The following PTPRG variants were observed in gnomAD, a reference collection of about 807,000 sequenced individuals.
PTPRG encodes protein tyrosine phosphatase receptor type G.
In PTPRG, 102 loss-of-function variants were observed where a neutral mutation model predicts 165.3. The ratio of observed to expected loss-of-function variants is 0.62; its 90% CI spans 0.53 to 0.73. The LOEUF (loss-of-function observed/expected upper bound fraction) is 0.73, where lower values mean the gene tolerates loss of function less well. Among genes scored for constraint, PTPRG ranks in the 30% least tolerant of loss-of-function variants. The probability of loss-of-function intolerance (pLI) is 0.00; values close to 1 mark genes in which losing one functional copy is unlikely to be tolerated. For missense variants in PTPRG, 1,866 were observed against 1,861.4 expected (o/e 1.00, Z -0.05); for synonymous variants, 675 against 669.5 (o/e 1.01, Z -0.13).
At chr3:61,898,888 C>T (rs549336932) in intron 2 of PTPRG, among the ~76,000 whole-genome samples, 2 of 152,264 alleles carry the variant, frequency 1.3e-5, no homozygotes, top group Admixed American at 6.5e-5. Flanking sequence ...GGACAACTTG[C>T]TCAATCCCTT....
intron 1 of PTPRG, among the ~76,000 whole-genome samples, chr3:61,718,862 A>G (rs971533013): frequency 3.3e-5 from 5 of 152,198 alleles, no homozygotes; most frequent in Admixed American, 6.5e-5. Context: ...TTGACTTCCC[A>G]GGAGTCATTG....
chr3:61,820,793 C>T (rs769028677), intron 2 of PTPRG, among the ~76,000 whole-genome samples: 2 of 151,864 alleles, frequency 1.3e-5, no homozygotes, highest in African/African-American at 2.4e-5. Context: ...TCCTGTTTTG[C>T]ACTTCCTCTG....
At chr3:61,920,447 G>A (rs1030529439) in intron 2 of PTPRG, among the ~76,000 whole-genome samples, 2 of 152,172 alleles carry the variant, frequency 1.3e-5, no homozygotes, top group African/African-American at 4.8e-5. Flanking sequence ...CCAGGCTGGA[G>A]TGCAGTGGCA....
chr3:62,220,915 C>A (rs1274717256), intron 13 of PTPRG, among the ~76,000 whole-genome samples: 1 of 152,146 alleles, frequency 6.6e-6, no homozygotes, highest in Non-Finnish European at 1.5e-5. Flanking sequence ...CTGGCAAAAC[C>A]CTCCAGATTG....
chr3:61,974,335 C>A (rs1439254732), intron 2 of PTPRG, among the ~76,000 whole-genome samples: 1 of 151,980 alleles, frequency 6.6e-6, no homozygotes, highest in African/African-American at 2.4e-5. Context: ...GGGCAGATCA[C>A]CTGAGGTCAG....
In PTPRG at chr3:62,273,783, A is replaced by G. The variant is rs754739666; in HGVS notation, c.3404A>G (p.Tyr1135Cys). 5 of 1,613,584 alleles carry G rather than the reference A, an allele frequency of 3.1e-6. No homozygotes were observed. Among genetic ancestry groups the G allele is most frequent in the Non-Finnish European group, 4.2e-6 (5 of 1,179,562 alleles). ...TEVSSNQLHS[Y>C]VNSILIPGVG... The stretch of plus-strand genomic sequence containing the variant: ...GTATCTTCAAATCAGCTGCACAGCT[A>G]TGTTAACAGCATCCTTATACCAGGA... Residue 1135 changes from tyrosine (Y) to cysteine (C), a missense_variant, in exon 23 of 30, where the codon TAT becomes TGT. By Grantham distance (194) the Tyr-to-Cys change is radical. Transcript: ENST00000474889. The surrounding 1 kb of genome is among the most constrained non-coding windows in gnomAD (Gnocchi z 4.1).
intron 2 of PTPRG, among the ~76,000 whole-genome samples, chr3:61,835,392 G>C (rs2036427795): frequency 6.6e-6 from 1 of 152,078 alleles, no homozygotes; most frequent in Non-Finnish European, 1.5e-5. Context: ...GGAGTGCAGT[G>C]GTGCGATCTC....
At chr3:62,139,646 G>A (rs1016950841) in intron 6 of PTPRG, among the ~76,000 whole-genome samples, 1 of 152,184 alleles carries the variant, frequency 6.6e-6, no homozygotes, top group Non-Finnish European at 1.5e-5. Context: ...ACAAAATGAG[G>A]CTCTTGCAAG....
At chr3:62,178,355 AAG>A (rs1471108028) in intron 8 of PTPRG, among the ~76,000 whole-genome samples, 1 of 152,216 alleles carries the variant, frequency 6.6e-6, no homozygotes, top group Non-Finnish European at 1.5e-5. Context: ...TTCTTACCAA[AAG>A]AGTTTGCACA....
chr3:62,191,798 C>T (rs1699829937), intron 9 of PTPRG, 145 bp downstream of exon 9: 4 of 907,890 alleles, frequency 4.4e-6, no homozygotes, highest in Non-Finnish European at 5.0e-6. Flanking sequence ...CATTGCTGCG[C>T]TGCTCGAGAG....
At chr3:62,064,728 T>TG (rs1700949348) in intron 4 of PTPRG, among the ~76,000 whole-genome samples, 1 of 131,436 alleles carries the variant, frequency 7.6e-6, no homozygotes, top group Non-Finnish European at 1.6e-5. Flanking sequence ...TGGATTTTTT[T>TG]TTTTTTTTTT....
intron 1 of PTPRG, among the ~76,000 whole-genome samples, chr3:61,600,005 CAA>C (rs1700807433): frequency 6.6e-6 from 1 of 151,490 alleles, no homozygotes; most frequent in African/African-American, 2.4e-5. Context: ...CCAAAAAATA[CAA>C]AAATTAGCCA....
intron 2 of PTPRG, among the ~76,000 whole-genome samples, chr3:61,781,896 T>TTG (rs1415893798): frequency 2.0e-5 from 3 of 150,188 alleles, no homozygotes; most frequent in African/African-American, 4.9e-5. Flanking sequence ...CCCAGTTTTT[T>TTG]TTTTTTTTTT....
intron 2 of PTPRG, among the ~76,000 whole-genome samples, chr3:61,839,635 C>G (rs1213298488): frequency 6.6e-6 from 1 of 152,068 alleles, no homozygotes; most frequent in African/African-American, 2.4e-5. Flanking sequence ...AAAAAAATGC[C>G]TGTAAAATAT....
At chr3:62,089,953 G>C (rs570171436) in intron 5 of PTPRG, among the ~76,000 whole-genome samples, 1 of 152,252 alleles carries the variant, frequency 6.6e-6, no homozygotes, top group East Asian at 1.9e-4. Flanking sequence ...AATGGGAGGA[G>C]TTGCTACCTC....
chr3:61,771,062 T>G (rs2034192547), intron 2 of PTPRG: 1 of 152,192 alleles, frequency 6.6e-6, no homozygotes, highest in Admixed American at 6.5e-5. Flanking sequence ...CTCCTTCTAT[T>G]CATCTTTTGT....
chr3:61,949,307 G>A (rs781111544), intron 2 of PTPRG, among the ~76,000 whole-genome samples: 6 of 152,296 alleles, frequency 3.9e-5, no homozygotes, highest in East Asian at 1.9e-4. Context: ...TGATGGTAGC[G>A]TAATGAGGAT....
At chr3:61,851,903 G>T (rs1014094539) in intron 2 of PTPRG, among the ~76,000 whole-genome samples, 1 of 152,082 alleles carries the variant, frequency 6.6e-6, no homozygotes, top group Non-Finnish European at 1.5e-5. Flanking sequence ...TTGGAGTCAC[G>T]TAATTTTCCA....
chr3:61,863,946 C>A (rs1319157315), intron 2 of PTPRG, among the ~76,000 whole-genome samples: 1 of 152,100 alleles, frequency 6.6e-6, no homozygotes, highest in Non-Finnish European at 1.5e-5. Context: ...AACAAGTTAC[C>A]CAAGGTTAAG....
Sources: allele counts gnomAD v4.1 joint callset (sites outside exome capture counted in the v4.1 genomes callset), GRCh38; gene constraint gnomAD v4.1.1; non-coding constraint Gnocchi (gnomAD v3.1); transcripts MANE v1.5; gene names NCBI Gene and HGNC (gene_info 2026-07-23, HGNC 2026-07-21).